RGS12: variants seen among roughly 807,000 people sequenced by gnomAD.
RGS12 encodes regulator of G-protein signaling 12.
A neutral mutation model predicts 120.1 loss-of-function variants in RGS12; 66 were observed. The observed-to-expected ratio is 0.55, with a 90% CI of 0.45 to 0.67. The LOEUF is 0.67. Among genes scored for constraint, RGS12 ranks in the 30% least tolerant of loss-of-function variants. The pLI is 0.00. For missense variants in RGS12, 1,859 were observed against 1,957.7 expected (o/e 0.95, Z 0.95); for synonymous variants, 827 against 804.7 (o/e 1.03, Z -0.47).
chr4:3,395,353 G>C (rs564257282), intron 4 of RGS12, among the ~76,000 whole-genome samples: 2 of 152,256 alleles, frequency 1.3e-5, no homozygotes, highest in South Asian at 4.2e-4. Flanking sequence ...TGCAAATATG[G>C]CATCGTTCCT....
At chr4:3,375,334 C>T (rs111905205) in intron 3 of RGS12, among the ~76,000 whole-genome samples, 42,505 of 73,788 alleles carry the variant, frequency 0.58, 12,767 homozygotes, top group African/African-American at 0.83. Flanking sequence ...AGCCTCATCT[C>T]CAGCCCTCAT....
chr4:3,295,534 C>A (rs1249759043), intron 1 of RGS12, among the ~76,000 whole-genome samples: 1 of 152,052 alleles, frequency 6.6e-6, no homozygotes, highest in Non-Finnish European at 1.5e-5. Context: ...GTGGCAGACG[C>A]CTGTAATCCC....
intron 9 of RGS12, 44 bp downstream of exon 9, chr4:3,417,585 C>G: frequency 6.3e-7 from 1 of 1,594,132 alleles, no homozygotes; most frequent in Non-Finnish European, 8.6e-7. Context: ...GGCCAGGCAG[C>G]CGCGTCCCCG....
chr4:3,357,098 C>T (rs1029665714), intron 3 of RGS12, among the ~76,000 whole-genome samples: 1 of 152,076 alleles, frequency 6.6e-6, no homozygotes, highest in Non-Finnish European at 1.5e-5. Context: ...AGTGGTATCT[C>T]ATTTTTTTGA....
At chr4:3,364,019 T>C (rs569383301) in intron 3 of RGS12, among the ~76,000 whole-genome samples, 1 of 152,280 alleles carries the variant, frequency 6.6e-6, no homozygotes, top group Non-Finnish European at 1.5e-5. Flanking sequence ...TGGTCTGTGG[T>C]TTCAAACGCT....
chr4:3,430,137 C>T (rs1029987682), intron 16 of RGS12, among the ~76,000 whole-genome samples: 4 of 152,210 alleles, frequency 2.6e-5, no homozygotes, highest in East Asian at 3.9e-4. Context: ...TCAAGCGTCT[C>T]GTTTGTTCAA....
chr4:3,292,664 C>G (rs1032808579), upstream of RGS12, among the ~76,000 whole-genome samples: 30 of 152,326 alleles, frequency 2.0e-4, no homozygotes, highest in South Asian at 3.3e-3. Flanking sequence ...GCAGGGTGTC[C>G]CGGGCCAGCG....
At chr4:3,414,307 C>G in intron 5 of RGS12, 66 bp downstream of exon 5, 2 of 1,459,768 alleles carry the variant, frequency 1.4e-6, no homozygotes, top group South Asian at 2.7e-5. Context: ...CGAGCAGGAT[C>G]TGTGGGCCGC....
At chr4:3,323,824 G>C (rs1047097869) in intron 2 of RGS12, among the ~76,000 whole-genome samples, 19 of 150,388 alleles carry the variant, frequency 1.3e-4, no homozygotes, top group Non-Finnish European at 1.5e-5. Flanking sequence ...CACCAAAGAG[G>C]TTTTCTAGTT....
At chr4:3,429,783 T>C (rs185246298) in intron 16 of RGS12, among the ~76,000 whole-genome samples, 2 of 152,276 alleles carry the variant, frequency 1.3e-5, no homozygotes, top group East Asian at 3.9e-4. Flanking sequence ...GCTGTGGAGC[T>C]TCAGTGCGGA....
chr4:3,406,824 C>A (rs1042108683), intron 4 of RGS12, among the ~76,000 whole-genome samples: 1 of 152,294 alleles, frequency 6.6e-6, no homozygotes, highest in Admixed American at 6.5e-5. Context: ...AGGCCGCCTC[C>A]AGGATGCCCA....
chr4:3,401,344 A>G (rs1017745959), intron 4 of RGS12, among the ~76,000 whole-genome samples: 2 of 152,214 alleles, frequency 1.3e-5, no homozygotes. Context: ...ATGTCAGTTT[A>G]TATCCCTTTC....
At chr4:3,348,734 A>C (rs1714075919) in intron 3 of RGS12, among the ~76,000 whole-genome samples, 1 of 152,362 alleles carries the variant, frequency 6.6e-6, no homozygotes, top group African/African-American at 2.4e-5. Context: ...TGGAGAAAAA[A>C]GTTCCAGGAG....
At chr4:3,293,382 G>C (rs1166124130) in intron 1 of RGS12, among the ~76,000 whole-genome samples, 2 of 146,872 alleles carry the variant, frequency 1.4e-5, no homozygotes, top group Non-Finnish European at 3.0e-5. Flanking sequence ...GCGGGTGCGC[G>C]GCCTCCTGGG....
chr4:3,393,323 G>C (rs925250006), intron 4 of RGS12, among the ~76,000 whole-genome samples: 1 of 152,200 alleles, frequency 6.6e-6, no homozygotes, highest in African/African-American at 2.4e-5. Context: ...GCTGATCTTT[G>C]CCTGCCTCGT....
At chr4:3,420,765 A>C in intron 10 of RGS12, 47 bp downstream of exon 10, 3 of 1,469,154 alleles carry the variant, frequency 2.0e-6, no homozygotes, top group Non-Finnish European at 2.8e-6. Context: ...GGGTGTCCCC[A>C]CCAGCTGACT....
intron 1 of RGS12, among the ~76,000 whole-genome samples, chr4:3,300,797 C>T (rs1723644326): frequency 1.3e-5 from 2 of 152,332 alleles, no homozygotes; most frequent in Middle Eastern, 3.4e-3. Flanking sequence ...TTTACGGACA[C>T]CTGTGATTGC....
rs1717110082 is a variant in RGS12, at chr4:3,372,415, C to T, written c.1999-14001C>T. On this transcript the variant is annotated intron_variant, in intron 3 of 17. Transcript: ENST00000336727. The surrounding 1 kb of genome is among the most constrained non-coding windows in gnomAD (Gnocchi z 4.3). ...ACAAGTCCCCACTGCAAGTGAGTGC[C>T]CAGGTGAAGGCCCTGCTGGCGCACG... Among the ~76,000 whole-genome samples, 1 of 152,242 alleles carries T rather than the reference C, an allele frequency of 6.6e-6. No individual in the cohort carries two copies. The highest frequency in any genetic ancestry group is 1.5e-5 in the Non-Finnish European group (1 of 68,048).
chr4:3,427,967 G>T, intron 14 of RGS12, 123 bp from the exon 15 acceptor site: 1 of 908,274 alleles, frequency 1.1e-6, no homozygotes, highest in East Asian at 2.4e-5. Flanking sequence ...TGGTGAATAA[G>T]GGCAGCAGAT....
Sources: gnomAD v4.1 joint callset for allele counts (sites outside exome capture counted in the v4.1 genomes callset) on GRCh38, gnomAD v4.1.1 for gene constraint, Gnocchi (gnomAD v3.1) non-coding constraint, MANE v1.5 for transcripts, NCBI Gene and HGNC (gene_info 2026-07-23, HGNC 2026-07-21) for gene names.